The following PI4KA variants were observed in gnomAD, a reference collection of about 807,000 sequenced individuals.
The protein encoded by PI4KA is PI4-kinase alpha.
A neutral mutation model predicts 271.4 loss-of-function variants in PI4KA; 122 were observed. The ratio of observed to expected loss-of-function variants is 0.45; its 90% CI spans 0.39 to 0.52. PI4KA has a LOEUF of 0.52. PI4KA is among the 20% of genes least tolerant of loss of function. The probability of loss-of-function intolerance (pLI) is 0.00; values close to 1 mark genes in which losing one functional copy is unlikely to be tolerated. For missense variants in PI4KA, 1,969 were observed against 2,769.1 expected (o/e 0.71, Z 6.48); for synonymous variants, 1,041 against 1,078.8 (o/e 0.96, Z 0.69).
Position 20,734,487 on chromosome 22 carries a change from C to G in PI4KA, c.3808G>C (p.Glu1270Gln). 6.2e-7 allele frequency: 1 copy of G among 1,613,842 alleles called. No individual in the cohort carries two copies. The highest frequency in any genetic ancestry group is 8.5e-7 in the Non-Finnish European group (1 of 1,179,848). The part of the protein sequence containing the change: ...VEQKFGLFSA[E>Q]IKEADPLAAS... ...GCCAGGGGGTCTGCTTCCTTTATCT[C>G]AGCAGAAAACAGGCCAAATTTCTGC... Residue 1270 changes from glutamate to glutamine, a missense_variant, in exon 33 of 55, where the codon GAG (glutamate) becomes CAG (glutamine). By Grantham distance (29) the Glu-to-Gln change is conservative. This residue lies in a region of PI4KA where 203 missense variants were observed against 256.8 expected (regional missense o/e 0.79). Coordinates refer to ENST00000255882, the MANE Select transcript of PI4KA (RefSeq NM_058004.4).
intron 1 of PI4KA, among the ~76,000 whole-genome samples, chr22:20,855,896 T>C (rs545649883): frequency 3.9e-5 from 6 of 152,358 alleles, no homozygotes; most frequent in African/African-American, 1.4e-4. Context: ...CAAGTGCTTA[T>C]TTCCCAGATG....
chr22:20,748,735 T>C (rs1930372352), intron 28 of PI4KA, among the ~76,000 whole-genome samples: 1 of 152,204 alleles, frequency 6.6e-6, no homozygotes, highest in Admixed American at 6.5e-5. Flanking sequence ...AAACCCATCC[T>C]TGGACACTAT....
At chr22:20,756,166 G>A (rs1456531405) in intron 23 of PI4KA, among the ~76,000 whole-genome samples, 2 of 151,910 alleles carry the variant, frequency 1.3e-5, no homozygotes, top group Admixed American at 1.3e-4. Context: ...TGGGTTGGGT[G>A]GGTGAAATCT....
chr22:20,852,263 AAC>A (rs1431243544), intron 1 of PI4KA, among the ~76,000 whole-genome samples: 1 of 152,370 alleles, frequency 6.6e-6, no homozygotes, highest in Middle Eastern at 3.4e-3. Flanking sequence ...GCAAACTGCA[AAC>A]ACAGACAGCA....
chr22:20,825,927 T>C (rs1479109068), intron 3 of PI4KA, among the ~76,000 whole-genome samples: 1 of 152,186 alleles, frequency 6.6e-6, no homozygotes, highest in Non-Finnish European at 1.5e-5. Flanking sequence ...TGTTCCCTTC[T>C]GTGTTCATAT....
Position 20,836,084 on chromosome 22 carries a change from CAAAAA to C in PI4KA, c.274-1434_274-1430del, listed in dbSNP as rs572906451. Among the ~76,000 whole-genome samples, 792 of 151,580 alleles carry C rather than the reference CAAAAA, an allele frequency of 5.2e-3. 2 individuals are homozygous for C. The highest frequency in any genetic ancestry group is 9.4e-3 in the Non-Finnish European group (635 of 67,838). On this transcript the variant is annotated intron_variant, in intron 2 of 54. Coordinates refer to ENST00000255882, the MANE Select transcript of PI4KA (RefSeq NM_058004.4). ...CAAAACAAAACAAAACAAAACAAAA[CAAAAA>C]ACAACAAAAAAACATGGCAGAAGGC...
rs975613876 is a variant in PI4KA at position 20,858,634 on chromosome 22, T to C, written c.92A>G (p.Tyr31Cys). The part of the protein sequence containing the change: ...GSGSSASRGF[Y>C]FNTVLSLARS... Reference sequence around the variant, plus strand: ...GGCCAGTGACAGGACCGTGTTGAAATAGAAGCCCCGCGAGGCGCTGGAGCC... The same window carrying C: ...GGCCAGTGACAGGACCGTGTTGAAACAGAAGCCCCGCGAGGCGCTGGAGCC... The change falls in exon 1 of 55, where the codon TAT (tyrosine) becomes TGT (cysteine). Residue 31 changes from tyrosine (Y) to cysteine (C), a missense_variant. Transcript: ENST00000255882. The C allele has an allele frequency of 9.4e-6, 14 of 1,485,400 alleles. No homozygotes were observed. Among genetic ancestry groups the C allele is most frequent in the East Asian group, 2.9e-5 (1 of 34,800 alleles). The allele number at this position is 1,485,400 out of a possible 1,614,324, so 92.0% of individuals were successfully genotyped here.
intron 23 of PI4KA, among the ~76,000 whole-genome samples, chr22:20,753,893 G>T (rs9624742): frequency 0.04 from 6,137 of 152,110 alleles, 389 homozygotes; most frequent in African/African-American, 0.14. Context: ...TCACCACGTT[G>T]GCCAGGATGG....
At chr22:20,818,126 GA>G (rs1922092586) in intron 7 of PI4KA, among the ~76,000 whole-genome samples, 2 of 151,988 alleles carry the variant, frequency 1.3e-5, no homozygotes, top group Non-Finnish European at 2.9e-5. Flanking sequence ...CTCTATCTCA[GA>G]AAAAGAAAAG....
rs189945260 is a variant in PI4KA at position 20,774,394 on chromosome 22, G to A, written c.2329-8701C>T. The stretch of plus-strand genomic sequence containing the variant: ...ATATTGTACTTATATTAAATTAATC[G>A]AATTGGATAACTGTCCTGTGATTAT... On this transcript the variant is annotated intron_variant, in intron 19 of 54. Coordinates refer to ENST00000255882, the MANE Select transcript of PI4KA (RefSeq NM_058004.4). 3.4e-4 allele frequency among the ~76,000 whole-genome samples: 52 copies of A among 152,268 alleles called. 1 individual carries two copies. Among genetic ancestry groups the A allele is most frequent in the Admixed American group, 2.9e-3 (45 of 15,288 alleles).
Position 20,734,470 on chromosome 22 carries a change from G to T in PI4KA, c.3825C>A (p.Asp1275Glu). 6.2e-7 allele frequency: 1 copy of T among 1,613,542 alleles called. No individual in the cohort carries two copies. The highest frequency in any genetic ancestry group is 8.5e-7 in the Non-Finnish European group (1 of 1,179,766). Reference sequence around the variant, plus strand: ...GACTTGCTTCCGAGGCAGCCAGGGGGTCTGCTTCCTTTATCTCAGCAGAAA... The same window carrying T: ...GACTTGCTTCCGAGGCAGCCAGGGGTTCTGCTTCCTTTATCTCAGCAGAAA... ...GLFSAEIKEADPLAASEASQP... is the reference protein window; with the variant it reads ...GLFSAEIKEAEPLAASEASQP... The change falls in exon 33 of 55, where the codon GAC becomes GAA. Residue 1275 changes from aspartate (D) to glutamate (E), a missense_variant. Asp to Glu is a conservative substitution (Grantham distance 45). This residue lies in a region of PI4KA where 203 missense variants were observed against 256.8 expected (regional missense o/e 0.79). Transcript: ENST00000255882.
chr22:20,738,464 C>T (rs1928993301), intron 32 of PI4KA, among the ~76,000 whole-genome samples: 1 of 152,198 alleles, frequency 6.6e-6, no homozygotes, highest in Non-Finnish European at 1.5e-5. Flanking sequence ...ATGAAGGTCC[C>T]AGACCCCTGT....
At chr22:20,792,082 CAG>C (rs1469689759) in intron 19 of PI4KA, among the ~76,000 whole-genome samples, 3 of 151,944 alleles carry the variant, frequency 2.0e-5, no homozygotes, top group Admixed American at 6.5e-5. Context: ...GCCTGGGTGA[CAG>C]AGTGAGAATC....
chr22:20,739,939 G>A (rs1448135010), intron 32 of PI4KA, among the ~76,000 whole-genome samples: 3 of 151,766 alleles, frequency 2.0e-5, no homozygotes, highest in Non-Finnish European at 4.4e-5. Flanking sequence ...GCTGGTGCCT[G>A]TAATCCCACT....
At position 20,751,286 on chromosome 22, in the gene PI4KA, G is replaced by A. The variant is rs962634731; in HGVS notation, c.3153+7C>T. The A allele has an allele frequency of 6.2e-7, 1 of 1,611,702 alleles. No homozygotes were observed. Among genetic ancestry groups the A allele is most frequent in the African/African-American group, 1.3e-5 (1 of 74,954 alleles). On this transcript the variant is annotated splice_region_variant and intron_variant, in intron 27 of 54. Coordinates refer to ENST00000255882, the MANE Select transcript of PI4KA (RefSeq NM_058004.4). ...GCCCTTAGTGCAGGGGATCGTGTCG[G>A]GCCTACCTCACGGGCTTCGTACGTG...
intron 7 of PI4KA, among the ~76,000 whole-genome samples, chr22:20,813,724 A>G (rs1169984269): frequency 4.6e-5 from 7 of 152,216 alleles, no homozygotes; most frequent in Admixed American, 3.9e-4. Flanking sequence ...CTCAGATATG[A>G]TGGTCCTAAT....
At chr22:20,723,729 G>A (rs1927019557) in intron 42 of PI4KA, among the ~76,000 whole-genome samples, 1 of 152,066 alleles carries the variant, frequency 6.6e-6, no homozygotes, top group South Asian at 2.1e-4. Context: ...TACTCGGGAG[G>A]CTGGGGCAGG....
Position 20,834,657 on chromosome 22 carries a change from TA to T in PI4KA, c.274-3del. The T allele has an allele frequency of 6.4e-7, 1 of 1,558,326 alleles. No individual in the cohort carries two copies. The highest frequency in any genetic ancestry group is 8.8e-7 in the Non-Finnish European group (1 of 1,131,420). ...GTAAGGAACCACACAATCTTTGTGC[TA>T]AAAAATAATAAGAAGAATAATAAAT... On this transcript the variant is annotated splice_polypyrimidine_tract_variant and splice_region_variant and intron_variant, in intron 2 of 54. Transcript: ENST00000255882.
chr22:20,710,244 A>G, intron 52 of PI4KA: 1 of 584,918 alleles, frequency 1.7e-6, no homozygotes, highest in African/African-American at 1.9e-5. Flanking sequence ...CCCCCACATA[A>G]GGCTGCCGGC....
Sources: allele counts gnomAD v4.1 joint callset (sites outside exome capture counted in the v4.1 genomes callset), GRCh38; gene constraint gnomAD v4.1.1; regional missense constraint gnomAD v4.1.1; transcripts MANE v1.5; gene names NCBI Gene and HGNC (gene_info 2026-07-23, HGNC 2026-07-21).